Variants in CCDC40 observed in about 807,000 individuals in gnomAD.
CCDC40 encodes coiled-coil domain 40 molecular ruler complex subunit.
A neutral mutation model predicts 124.5 loss-of-function variants in CCDC40; 104 were observed. The observed-to-expected ratio is 0.84, with a 90% CI of 0.71 to 0.98. The LOEUF is 0.98. Ranked by LOEUF, CCDC40 falls within the 50% of genes least tolerant of loss-of-function variation. CCDC40 has a pLI of 0.00. For synonymous variants in CCDC40, 580 were observed against 602.9 expected (o/e 0.96, Z 0.56); for missense variants, 1,463 against 1,503.9 (o/e 0.97, Z 0.45).
At position 80,058,610 on chromosome 17, in the gene CCDC40, G is replaced by A. The variant is rs775299709; in HGVS notation, c.1276G>A (p.Glu426Lys). 10 of 1,614,246 alleles carry A rather than the reference G, an allele frequency of 6.2e-6. No homozygotes were observed. Among genetic ancestry groups the A allele is most frequent in the East Asian group, 2.2e-5 (1 of 44,890 alleles). The change falls in exon 8 of 20, where the codon GAG becomes AAG. Residue 426 changes from glutamate to lysine, a missense_variant. Transcript: ENST00000397545. The surrounding 1 kb of genome is among the most constrained non-coding windows in gnomAD (Gnocchi z 4.2). ...GATGACACAAGTGGTAAAGAAGGCC[G>A]AGACGGAGAGGATCCGGGCAGAAAT... ...RVMTQVVKKA[E>K]TERIRAEIEK...
intron 9 of CCDC40, among the ~76,000 whole-genome samples, chr17:80,061,522 G>A (rs757519588): frequency 6.6e-6 from 1 of 152,210 alleles, no homozygotes; most frequent in Non-Finnish European, 1.5e-5. Context: ...GACTCGCCCT[G>A]TGTGCTTCCA....
At chr17:80,060,055 T>A (rs962068453) in intron 9 of CCDC40, among the ~76,000 whole-genome samples, 2 of 152,106 alleles carry the variant, frequency 1.3e-5, no homozygotes, top group Non-Finnish European at 2.9e-5. Context: ...GAGTTTTATC[T>A]GAAAAATAAA....
intron 13 of CCDC40, 100 bp from the exon 14 acceptor site, chr17:80,085,903 C>G (rs187591218): frequency 1.7e-5 from 18 of 1,084,894 alleles, no homozygotes; most frequent in Non-Finnish European, 2.6e-5. Context: ...CTCCTGACCT[C>G]GGGTGATCCA....
chr17:80,044,723 A>ATATATATATC (rs1568671709), intron 3 of CCDC40, among the ~76,000 whole-genome samples: 17 of 130,370 alleles, frequency 1.3e-4, no homozygotes, highest in African/African-American at 5.7e-4. Context: ...AAAAATATAT[A>ATATATATATC]TATATATATA....
At position 80,087,211 on chromosome 17, in the gene CCDC40, G is replaced by C; in HGVS notation, c.2450-396G>C. The C allele has an allele frequency of 3.1e-6, 1 of 325,626 alleles. No homozygotes were observed. Among genetic ancestry groups the C allele is most frequent in the Non-Finnish European group, 6.0e-6 (1 of 166,304 alleles). The allele number at this position is 325,626 out of a possible 1,614,324, so 20.2% of individuals were successfully genotyped here. On this transcript the variant is annotated intron_variant, in intron 14 of 19. Transcript: ENST00000397545. The surrounding 1 kb of genome is among the most constrained non-coding windows in gnomAD (Gnocchi z 4.5). ...CTGAGCTTGGCTGGGGCAGGGCAGG[G>C]GTCTAAGGGCCTCCCTCTCCTGGAG...
At chr17:80,063,077 C>T (rs112629295) in intron 9 of CCDC40, among the ~76,000 whole-genome samples, 3 of 152,188 alleles carry the variant, frequency 2.0e-5, no homozygotes, top group East Asian at 1.9e-4. Flanking sequence ...TGCCTATAAT[C>T]GCAGCTGTTC....
intron 3 of CCDC40, among the ~76,000 whole-genome samples, chr17:80,044,704 A>ATATATATGTAT (rs1485851817): frequency 2.7e-5 from 1 of 37,228 alleles, no homozygotes; most frequent in Admixed American, 3.8e-4. Context: ...AAAACAAACA[A>ATATATATGTAT]ACAAAAAAAA....
rs186863140 is a variant in CCDC40 at position 80,096,130 on chromosome 17, G to T, written c.3021+679G>T. The stretch of plus-strand genomic sequence containing the variant: ...TTGCCAGACCTGCAGGGCCTCGTCT[G>T]CTGGGGGGTGGAGGGGCAGAGTTAA... On this transcript the variant is annotated intron_variant, in intron 18 of 19. Transcript: ENST00000397545. 1.8e-3 allele frequency among the ~76,000 whole-genome samples: 271 copies of T among 152,376 alleles called. 3 individuals carry two copies. Among genetic ancestry groups the T allele is most frequent in the African/African-American group, 6.2e-3 (258 of 41,584 alleles).
intron 17 of CCDC40, chr17:80,090,834 C>A: frequency 8.5e-7 from 1 of 1,175,202 alleles, no homozygotes; most frequent in Non-Finnish European, 1.1e-6. Context: ...AGAAATTCCT[C>A]TGCTGAGTTA....
At position 80,086,361 on chromosome 17, in the gene CCDC40, G is replaced by T; in HGVS notation, c.2449+145G>T. 1 of 694,648 alleles carries T rather than the reference G, an allele frequency of 1.4e-6. No individual in the cohort carries two copies. The highest frequency in any genetic ancestry group is 2.5e-6 in the Non-Finnish European group (1 of 394,122). The allele number at this position is 694,648 out of a possible 1,614,324, so 43.0% of individuals were successfully genotyped here. ...CAAATAACAAACGCGCATGCTCCCT[G>T]TATTTTGTAAATGTGAACCACTGCC... On this transcript the variant is annotated intron_variant, in intron 14 of 19. Transcript: ENST00000397545. This position sits in a 1 kb window ranked among gnomAD's most constrained non-coding sequence, Gnocchi z 5.5.
chr17:80,059,471 C>T (rs2037840651), intron 9 of CCDC40, among the ~76,000 whole-genome samples: 2 of 142,694 alleles, frequency 1.4e-5, no homozygotes, highest in Admixed American at 6.9e-5. Flanking sequence ...GCACCAGAAA[C>T]CAAAGTTACT....
chr17:80,089,035 A>G (rs749384391), intron 16 of CCDC40, among the ~76,000 whole-genome samples: 3 of 152,208 alleles, frequency 2.0e-5, no homozygotes, highest in Non-Finnish European at 4.4e-5. Context: ...AAACTATACA[A>G]TGCGTGCAAA....
At chr17:80,049,835 C>T (rs2037532182) in intron 5 of CCDC40, 71 bp from the exon 6 acceptor site, 1 of 1,379,538 alleles carries the variant, frequency 7.2e-7, no homozygotes. Flanking sequence ...CTGTGGCCAC[C>T]TGGGCTGAGC....
At chr17:80,083,548 G>A (rs2038509164) in intron 12 of CCDC40, among the ~76,000 whole-genome samples, 1 of 152,214 alleles carries the variant, frequency 6.6e-6, no homozygotes, top group African/African-American at 2.4e-5. Flanking sequence ...GCAGACACAG[G>A]GCCCGAGGCC....
At chr17:80,089,728 T>A in intron 16 of CCDC40, 36 bp from the exon 17 acceptor site, 5 of 1,613,384 alleles carry the variant, frequency 3.1e-6, no homozygotes, top group Non-Finnish European at 4.2e-6. Flanking sequence ...AGAAGAAAAC[T>A]CCTAATTTCT....
chr17:80,058,789 G>T lies in CCDC40; in HGVS notation c.1318-69G>T, dbSNP rs1598500469. Reference sequence around the variant, plus strand: ...CTGGGTGGCGTCAACTTGTATCAAGGGTTGGTGGAGAACAGGCCCTCAGCC... The same window carrying T: ...CTGGGTGGCGTCAACTTGTATCAAGTGTTGGTGGAGAACAGGCCCTCAGCC... On this transcript the variant is annotated intron_variant, in intron 8 of 19. Coordinates refer to ENST00000397545, the MANE Select transcript of CCDC40 (RefSeq NM_017950.4). This position sits in a 1 kb window ranked among gnomAD's most constrained non-coding sequence, Gnocchi z 4.2. 2 of 1,612,218 alleles carry T rather than the reference G, an allele frequency of 1.2e-6. No homozygotes were observed. Among genetic ancestry groups the T allele is most frequent in the South Asian group, 1.1e-5 (1 of 90,988 alleles).
intron 9 of CCDC40, among the ~76,000 whole-genome samples, chr17:80,061,621 C>T (rs2037898690): frequency 6.6e-6 from 1 of 152,284 alleles, no homozygotes; most frequent in African/African-American, 2.4e-5. Context: ...GGAAGGGGGC[C>T]GCCCGCACTT....
At chr17:80,043,635 T>C (rs1281298145) in intron 3 of CCDC40, among the ~76,000 whole-genome samples, 17 of 139,144 alleles carry the variant, frequency 1.2e-4, no homozygotes, top group Non-Finnish European at 1.8e-4. Flanking sequence ...TGAAACAGAG[T>C]CTTGCCCAGG....
chr17:80,057,838 T>C (rs897956983), intron 7 of CCDC40, among the ~76,000 whole-genome samples: 1 of 150,946 alleles, frequency 6.6e-6, no homozygotes, highest in African/African-American at 2.4e-5. Flanking sequence ...ATCGCGCCAC[T>C]GCACTCCAGC....
Sources: gnomAD v4.1 joint callset for allele counts (sites outside exome capture counted in the v4.1 genomes callset) on GRCh38, gnomAD v4.1.1 for gene constraint, Gnocchi (gnomAD v3.1) non-coding constraint, MANE v1.5 for transcripts, NCBI Gene and HGNC (gene_info 2026-07-23, HGNC 2026-07-21) for gene names.